The following AJAP1 variants were observed in gnomAD, a reference collection of about 807,000 sequenced individuals.
AJAP1 encodes the protein adherens junctions associated protein 1, also known as adherens junction-associated protein 1.
Under a neutral mutation model 35.0 loss-of-function variants are expected in AJAP1, and 5 were observed. The observed-to-expected ratio is 0.14, with a 90% CI of 0.07 to 0.30. The LOEUF is 0.30. AJAP1 is among the 10% of genes least tolerant of loss of function. The pLI is 1.00. For missense variants in AJAP1, 586 were observed against 571.0 expected (o/e 1.03, Z -0.27); for synonymous variants, 284 against 249.3 (o/e 1.14, Z -1.31).
chr1:4,778,490 T>G (rs1193647281), intron 5 of AJAP1, among the ~76,000 whole-genome samples: 1 of 151,984 alleles, frequency 6.6e-6, no homozygotes, highest in African/African-American at 2.4e-5. Context: ...GACCACACCT[T>G]GGTCTTGCAG....
At chr1:4,724,792 G>C (rs1393125337) in intron 2 of AJAP1, among the ~76,000 whole-genome samples, 1 of 152,226 alleles carries the variant, frequency 6.6e-6, no homozygotes, top group African/African-American at 2.4e-5. Flanking sequence ...GCAGGGAACG[G>C]GTTCCTAAGT....
intron 1 of AJAP1, among the ~76,000 whole-genome samples, chr1:4,684,339 G>A (rs576335303): frequency 4.3e-4 from 65 of 152,262 alleles, no homozygotes; most frequent in African/African-American, 1.5e-3. Context: ...AGGAGGCCAT[G>A]AGGCTCACCT....
intron 1 of AJAP1, among the ~76,000 whole-genome samples, chr1:4,673,616 G>A (rs1405169689): frequency 1.3e-5 from 2 of 152,180 alleles, no homozygotes; most frequent in Non-Finnish European, 2.9e-5. Flanking sequence ...TGGAGGTGTG[G>A]AGGGAGCAGG....
chr1:4,713,605 G>T (rs111896668), intron 2 of AJAP1, among the ~76,000 whole-genome samples: 5,148 of 152,314 alleles, frequency 0.034, 274 homozygotes, highest in African/African-American at 0.12. Context: ...CGGGGAGAGC[G>T]CAGAGCCCTG....
intron 2 of AJAP1, among the ~76,000 whole-genome samples, chr1:4,715,372 T>C (rs1640364438): frequency 6.6e-6 from 1 of 152,258 alleles, no homozygotes; most frequent in African/African-American, 2.4e-5. Flanking sequence ...TGATTTTCTT[T>C]TCTTCACCAG....
rs60698234 is a variant in AJAP1 at position 4,776,348 on chromosome 1, C to T, written c.*59+1790C>T. Among the ~76,000 whole-genome samples, 1,230 of 152,086 alleles carry T rather than the reference C, an allele frequency of 8.1e-3. 22 individuals are homozygous for T. The highest frequency in any genetic ancestry group is 0.028 in the African/African-American group (1,178 of 41,472). ...AACACTTTTTACCTGCCCAGTCCTC[C>T]CAGCAATTCCTTTTACAAGTGGGGA... On this transcript the variant is annotated intron_variant, in intron 5 of 5. Transcript: ENST00000378191.
At chr1:4,764,348 T>C (rs896139540) in intron 2 of AJAP1, among the ~76,000 whole-genome samples, 2 of 152,138 alleles carry the variant, frequency 1.3e-5, no homozygotes, top group African/African-American at 4.8e-5. Context: ...CATTTTTTCT[T>C]AGCAGCCTGT....
At chr1:4,674,559 G>A (rs571606177) in intron 1 of AJAP1, among the ~76,000 whole-genome samples, 6 of 152,354 alleles carry the variant, frequency 3.9e-5, no homozygotes, top group Admixed American at 2.0e-4. Context: ...GCAGAAATAC[G>A]GAGGGGGCTT....
chr1:4,691,352 C>T (rs1014434113), intron 1 of AJAP1, among the ~76,000 whole-genome samples: 7 of 152,202 alleles, frequency 4.6e-5, no homozygotes, highest in African/African-American at 1.7e-4. Context: ...TGACCGCCTC[C>T]CTTTGTCCTC....
At position 4,776,322 on chromosome 1, in the gene AJAP1, GA is replaced by G. The variant is rs549980935; in HGVS notation, c.*59+1766del. Among the ~76,000 whole-genome samples the G allele has an allele frequency of 1.8e-3, 278 of 152,232 alleles. 2 individuals are homozygous for G. Among genetic ancestry groups the G allele is most frequent in the Non-Finnish European group, 1.9e-3 (126 of 68,014 alleles). On this transcript the variant is annotated intron_variant, in intron 5 of 5. Coordinates refer to ENST00000378191, the MANE Select transcript of AJAP1 (RefSeq NM_018836.4). ...TCTAATGTTTGCACGGCAGCTCATGGAACACTTTTTACCTGCCCAGTCCTCC... is the reference window on the plus strand; with the variant it reads ...TCTAATGTTTGCACGGCAGCTCATGGACACTTTTTACCTGCCCAGTCCTCC...
At chr1:4,710,525 A>G (rs1039735254) in intron 1 of AJAP1, among the ~76,000 whole-genome samples, 4 of 152,170 alleles carry the variant, frequency 2.6e-5, no homozygotes, top group African/African-American at 9.7e-5. Flanking sequence ...ACGCATTACA[A>G]TGACACACAC....
intron 1 of AJAP1, among the ~76,000 whole-genome samples, chr1:4,666,062 C>T (rs923366550): frequency 3.9e-5 from 6 of 152,032 alleles, no homozygotes; most frequent in East Asian, 1.9e-4. Context: ...GGAGGCACCC[C>T]GCAGTGAAAT....
intron 4 of AJAP1, 62 bp downstream of exon 4, chr1:4,772,587 G>A (rs1286838192): frequency 6.3e-7 from 1 of 1,587,194 alleles, no homozygotes; most frequent in African/African-American, 1.3e-5. Context: ...GACCCCCGGG[G>A]GCCGGTGTGG....
intron 1 of AJAP1, among the ~76,000 whole-genome samples, chr1:4,678,844 A>G (rs887864643): frequency 2.6e-5 from 4 of 152,202 alleles, no homozygotes; most frequent in African/African-American, 9.7e-5. Context: ...ACTAACATTT[A>G]TTGACTCAAC....
At chr1:4,765,452 G>T (rs1025601611) in intron 2 of AJAP1, among the ~76,000 whole-genome samples, 20 of 98,956 alleles carry the variant, frequency 2.0e-4, no homozygotes, top group African/African-American at 8.6e-4. Context: ...CAGAGGGAAT[G>T]TTATTTAAGG....
At chr1:4,753,813 C>G (rs141455938) in intron 2 of AJAP1, among the ~76,000 whole-genome samples, 3,013 of 152,302 alleles carry the variant, frequency 0.02, 110 homozygotes, top group African/African-American at 0.068. Flanking sequence ...CTCAGGTGAT[C>G]CGCCCACCTC....
At chr1:4,740,813 G>C (rs989615253) in intron 2 of AJAP1, among the ~76,000 whole-genome samples, 1 of 150,910 alleles carries the variant, frequency 6.6e-6, no homozygotes, top group East Asian at 2.0e-4. Flanking sequence ...AAAGCGGGGG[G>C]GGCTAAGATG....
At chr1:4,710,444 C>A (rs1345635906) in intron 1 of AJAP1, among the ~76,000 whole-genome samples, 1 of 140,376 alleles carries the variant, frequency 7.1e-6, no homozygotes, top group Non-Finnish European at 1.5e-5. Flanking sequence ...CACACACTCA[C>A]ACCCAGTCAC....
In AJAP1 at chr1:4,786,396, C is replaced by A. The variant is rs1187206078; in HGVS notation, c.*3911C>A. On this transcript the variant is annotated 3_prime_UTR_variant, in exon 6 of 6. Transcript: ENST00000378191. ...TAGAAACCTGAACTCATCAGCAAAC[C>A]CCACCCACTCTTTGAATCGGGACAC... The A allele has an allele frequency of 6.6e-6, 1 of 152,198 alleles. No homozygotes were observed. Among genetic ancestry groups the A allele is most frequent in the African/African-American group, 2.4e-5 (1 of 41,450 alleles). 9.4% of individuals were successfully genotyped at this position (152,198 alleles called of 1,614,324 possible).
Sources: allele counts gnomAD v4.1 joint callset (sites outside exome capture counted in the v4.1 genomes callset), GRCh38; gene constraint gnomAD v4.1.1; transcripts MANE v1.5; gene names NCBI Gene and HGNC (gene_info 2026-07-23, HGNC 2026-07-21).